Variants in PLSCR5 observed in about 807,000 individuals in gnomAD.
PLSCR5 encodes the protein phospholipid scramblase family, member 5.
PLSCR5 carries 44 observed loss-of-function variants against 33.6 expected under a neutral mutation model. That is an observed-to-expected ratio of 1.31 (90% CI 1.03 to 1.69). PLSCR5 has a LOEUF of 1.69. PLSCR5 is among the 40% of genes most tolerant of loss of function. The probability of loss-of-function intolerance (pLI) is 0.00; values close to 1 mark genes in which losing one functional copy is unlikely to be tolerated. For missense variants in PLSCR5, 375 were observed against 318.7 expected, an observed-to-expected ratio of 1.18 and a Z score of -1.34; for synonymous variants, 148 against 112.3, an observed-to-expected ratio of 1.32 and a Z score of -2.01.
At chr3:146,596,661 C>A (rs1346173354) in intron 2 of PLSCR5, among the ~76,000 whole-genome samples, 1 of 152,162 alleles carries the variant, frequency 6.6e-6, no homozygotes, top group African/African-American at 2.4e-5. Context: ...TCACCAGTAA[C>A]TATTAAACTA....
chr3:146,596,686 A>T (rs1342875548), intron 2 of PLSCR5, among the ~76,000 whole-genome samples: 1 of 152,176 alleles, frequency 6.6e-6, no homozygotes, highest in African/African-American at 2.4e-5. Flanking sequence ...GTCATTACTA[A>T]AATTTGGTAT....
At chr3:146,583,293 T>G (rs1014186343), downstream of PLSCR5, among the ~76,000 whole-genome samples, 2 of 152,174 alleles carry the variant, frequency 1.3e-5, no homozygotes, top group Non-Finnish European at 2.9e-5. Flanking sequence ...CTTATTGGCA[T>G]GTAAGAGCAA....
rs765417668 is a variant in PLSCR5, at chr3:146,589,782, C to A, written c.648G>T (p.Gly216=). Residue 216 remains glycine, a synonymous_variant, in exon 6 of 8, where the codon GGG becomes GGT. Transcript: ENST00000443512. The stretch of plus-strand genomic sequence containing the variant: ...ATCCTGACCAGTACTTTGAAATCTT[C>A]CCAATTGTAAGCTTTTCATTAATGG... ...VKTINEKLTI[G]KISKYWSGFV... is the part of the protein sequence containing the mutation. 9 of 1,566,226 alleles carry A rather than the reference C, an allele frequency of 5.7e-6. No homozygotes were observed. Among genetic ancestry groups the A allele is most frequent in the African/African-American group, 5.4e-5 (4 of 73,772 alleles).
chr3:146,598,026 T>C (rs1348560304), intron 2 of PLSCR5, among the ~76,000 whole-genome samples: 1 of 152,154 alleles, frequency 6.6e-6, no homozygotes, highest in Non-Finnish European at 1.5e-5. Flanking sequence ...AAAGAATTTA[T>C]TGATTTTACT....
chr3:146,591,908 AGAT>A (rs1254176074), intron 4 of PLSCR5, 27 bp from the exon 5 acceptor site: 2 of 1,525,858 alleles, frequency 1.3e-6, no homozygotes, highest in African/African-American at 2.8e-5. Flanking sequence ...TGATAAAATA[AGAT>A]TTTCTTAGGT....
Position 146,605,297 on chromosome 3 carries a change from A to T in PLSCR5, c.-85T>A, listed in dbSNP as rs2044855425. The T allele has an allele frequency of 1.2e-6, 2 of 1,602,420 alleles. No individual in the cohort carries two copies. The highest frequency in any genetic ancestry group is 1.7e-6 in the Non-Finnish European group (2 of 1,173,794). On this transcript the variant is annotated 5_prime_UTR_variant, in exon 1 of 8. An upstream start codon of the reference 5' UTR is lost. Coordinates refer to ENST00000443512, the MANE Select transcript of PLSCR5 (RefSeq NM_001085420.2). ...TTGCAGCAAGGAGAGAAAACGCAGC[A>T]TGCACAAAACTTCAGAACGTGTTTG...
rs760327163 is a variant in PLSCR5 at position 146,593,958 on chromosome 3, T to C, written c.415A>G (p.Arg139Gly). ...CAAGGGCACCAGCAGCTGTTACATC[T>C]CAAGGGCCTGTTCACTGTAATGACC... ...REVITVNRPL[R>G]CNSCWCPCYL... Residue 139 changes from arginine to glycine, a missense_variant, in exon 4 of 8, where the codon AGA (arginine) becomes GGA (glycine). Physicochemically the swap from Arg to Gly is moderately radical, Grantham distance 125 (BLOSUM62 -2). Transcript: ENST00000443512. The C allele has an allele frequency of 6.2e-6, 10 of 1,613,764 alleles. No homozygotes were observed. Among genetic ancestry groups the C allele is most frequent in the Non-Finnish European group, 8.5e-6 (10 of 1,179,758 alleles).
At chr3:146,589,511 G>T (rs1392991467) in intron 6 of PLSCR5, 142 bp downstream of exon 6, 1 of 792,390 alleles carries the variant, frequency 1.3e-6, no homozygotes, top group Non-Finnish European at 1.7e-6. Context: ...AATTTTTGAA[G>T]AACATTGGTC....
chr3:146,594,191 T>C (rs2044739802), intron 3 of PLSCR5, 51 bp from the exon 4 acceptor site: 15 of 1,312,106 alleles, frequency 1.1e-5, no homozygotes, highest in Non-Finnish European at 1.4e-5. Context: ...TTAGTATTGA[T>C]AACTTTAAAT....
Sources: gnomAD v4.1 joint callset for allele counts (sites outside exome capture counted in the v4.1 genomes callset) on GRCh38, gnomAD v4.1.1 for gene constraint, MANE v1.5 for transcripts, NCBI Gene and HGNC (gene_info 2026-07-23, HGNC 2026-07-21) for gene names.